Variants in ABCA12 observed in about 807,000 individuals in gnomAD.
ABCA12 encodes the protein glucosylceramide transporter ABCA12.
A neutral mutation model predicts 293.5 loss-of-function variants in ABCA12; 156 were observed. That is an observed-to-expected ratio of 0.53 (90% CI 0.47 to 0.61). The LOEUF (loss-of-function observed/expected upper bound fraction) is 0.61. ABCA12 is among the 20% of genes least tolerant of loss of function. The pLI, the probability that ABCA12 is intolerant of heterozygous loss-of-function variation, is 0.00. For missense variants in ABCA12, 2,797 were observed against 3,090.2 expected (o/e 0.91, Z 2.25); for synonymous variants, 1,063 against 1,108.0 (o/e 0.96, Z 0.81).
In ABCA12 at chr2:215,019,443, A is replaced by G; in HGVS notation, c.1550T>C (p.Leu517Pro). Residue 517 changes from leucine (L) to proline (P), a missense_variant, in exon 13 of 53, where the codon CTA becomes CCA. Transcript: ENST00000272895. ...SKINLNMDQF[L>P]EQALQMNYLE... Reference sequence around the variant, plus strand: ...GTAATTCATTTGCAGTGCCTGTTCTAGAAACCTGGAACAAAACAGAAAAGA... The same window carrying G: ...GTAATTCATTTGCAGTGCCTGTTCTGGAAACCTGGAACAAAACAGAAAAGA... The G allele has an allele frequency of 6.2e-7, 1 of 1,613,960 alleles. No individual in the cohort carries two copies.
intron 15 of ABCA12, chr2:215,012,951 C>T (rs558251982): frequency 4.6e-5 from 7 of 152,208 alleles, no homozygotes; most frequent in African/African-American, 1.2e-4. Flanking sequence ...ATTTATCAGG[C>T]TAAGTCATTT....
intron 28 of ABCA12, among the ~76,000 whole-genome samples, 161 bp downstream of exon 28, chr2:214,986,381 T>C (rs1699786580): frequency 6.6e-6 from 1 of 152,224 alleles, no homozygotes; most frequent in Non-Finnish European, 1.5e-5. Context: ...TTACAACCTT[T>C]GATTTTGACT....
intron 36 of ABCA12, among the ~76,000 whole-genome samples, chr2:214,971,147 G>A (rs1275000597): frequency 1.3e-5 from 2 of 151,960 alleles, no homozygotes; most frequent in East Asian, 3.9e-4. Flanking sequence ...ATGCTTCATT[G>A]CAATGAAGTT....
At chr2:215,136,835 A>T (rs1284635350) in intron 1 of ABCA12, among the ~76,000 whole-genome samples, 1 of 152,118 alleles carries the variant, frequency 6.6e-6, no homozygotes, top group Non-Finnish European at 1.5e-5. Context: ...TGTCACGTCT[A>T]ACTCATCATG....
chr2:214,956,307 T>G (rs1698946468), intron 42 of ABCA12, among the ~76,000 whole-genome samples: 1 of 152,112 alleles, frequency 6.6e-6, no homozygotes, highest in African/African-American at 2.4e-5. Flanking sequence ...TTCATAATGC[T>G]ACATATACTC....
At chr2:214,998,915 G>C (rs551042756) in intron 22 of ABCA12, among the ~76,000 whole-genome samples, 1 of 152,212 alleles carries the variant, frequency 6.6e-6, no homozygotes, top group Non-Finnish European at 1.5e-5. Context: ...CTTTCACTTG[G>C]AGAAAGGTCC....
chr2:215,121,283 A>G (rs1169706348), intron 1 of ABCA12, among the ~76,000 whole-genome samples: 1 of 152,214 alleles, frequency 6.6e-6, no homozygotes, highest in Non-Finnish European at 1.5e-5. Context: ...CTTTGATTTG[A>G]ATACTATACT....
intron 1 of ABCA12, among the ~76,000 whole-genome samples, chr2:215,133,062 G>T (rs1013178171): frequency 6.7e-6 from 1 of 148,484 alleles, no homozygotes; most frequent in Non-Finnish European, 1.5e-5. Flanking sequence ...CATCTTTTCC[G>T]TTACAGGGCT....
chr2:214,987,414 A>G (rs568451541), intron 27 of ABCA12, among the ~76,000 whole-genome samples: 2 of 152,240 alleles, frequency 1.3e-5, no homozygotes, highest in African/African-American at 4.8e-5. Flanking sequence ...CCACAAAGGG[A>G]TCTGCAATCT....
At chr2:214,990,515 G>A (rs956342700) in intron 24 of ABCA12, among the ~76,000 whole-genome samples, 187 bp downstream of exon 24, 1 of 152,114 alleles carries the variant, frequency 6.6e-6, no homozygotes, top group Non-Finnish European at 1.5e-5. Context: ...GGTTTTGTAA[G>A]CTCTTCATTG....
At chr2:215,046,882 C>G (rs926859892) in intron 6 of ABCA12, among the ~76,000 whole-genome samples, 4 of 152,020 alleles carry the variant, frequency 2.6e-5, no homozygotes, top group African/African-American at 9.7e-5. Flanking sequence ...CCATGGAATA[C>G]TATGCAGTCA....
chr2:215,019,726 C>T lies in ABCA12; in HGVS notation c.1358G>A (p.Cys453Tyr). 1.9e-6 allele frequency: 3 copies of T among 1,614,116 alleles called. No homozygotes were observed. Among genetic ancestry groups the T allele is most frequent in the Non-Finnish European group, 2.5e-6 (3 of 1,180,006 alleles). ...CCCAAAGCTCATATCAGAGAGCTGG[C>T]ATGACTTCTCTATCAAACTGAAAGT... ...SETFSLIEKS[C>Y]QLSDMSFGSL... The change falls in exon 12 of 53, where the codon TGC (cysteine) becomes TAC (tyrosine). Residue 453 changes from cysteine to tyrosine, a missense_variant. Physicochemically the swap from Cys to Tyr is radical, Grantham distance 194. Coordinates refer to ENST00000272895, the MANE Select transcript of ABCA12 (RefSeq NM_173076.3).
rs529137121 is a variant in ABCA12, at chr2:214,980,119, G to A, written c.4740+364C>T. Among the ~76,000 whole-genome samples, 108 of 152,274 alleles carry A rather than the reference G, an allele frequency of 7.1e-4. 1 individual carries two copies. In the South Asian group the frequency reaches 0.019, roughly 27 times the overall value. On this transcript the variant is annotated intron_variant, in intron 31 of 52. Coordinates refer to ENST00000272895, the MANE Select transcript of ABCA12 (RefSeq NM_173076.3). ...GGCTTTCTAGGTTGAAATGTTAGGA[G>A]AACTAAAAGGCTGATTCTCCATCAG...
intron 1 of ABCA12, among the ~76,000 whole-genome samples, chr2:215,128,153 T>G (rs1702967882): frequency 6.6e-6 from 1 of 152,236 alleles, no homozygotes; most frequent in Admixed American, 6.5e-5. Flanking sequence ...GTAGGGTTTC[T>G]GCTGAGAAAT....
chr2:215,054,683 G>T lies in ABCA12; in HGVS notation c.318-19C>A, dbSNP rs1313257238. On this transcript the variant is annotated intron_variant, in intron 3 of 52. Transcript: ENST00000272895. ...AATCTCACTAGAGAAGAAAAAGCAA[G>T]AACTCTGTAACTTCTCCCACATTAA... The T allele has an allele frequency of 3.8e-6, 6 of 1,582,498 alleles. No individual in the cohort carries two copies. Among genetic ancestry groups the T allele is most frequent in the Non-Finnish European group, 5.2e-6 (6 of 1,152,078 alleles).
At chr2:214,949,547 A>G (rs1698689119) in intron 45 of ABCA12, among the ~76,000 whole-genome samples, 1 of 152,154 alleles carries the variant, frequency 6.6e-6, no homozygotes, top group Non-Finnish European at 1.5e-5. Context: ...CACTGAATAA[A>G]CTATCGCGGC....
At chr2:215,058,252 G>A (rs538429125) in intron 3 of ABCA12, among the ~76,000 whole-genome samples, 18 of 152,110 alleles carry the variant, frequency 1.2e-4, no homozygotes, top group South Asian at 1.0e-3. Flanking sequence ...ACAACTGTGC[G>A]TGGAGTGTCA....
chr2:215,129,003 T>C (rs1035529893), intron 1 of ABCA12, among the ~76,000 whole-genome samples: 1 of 152,226 alleles, frequency 6.6e-6, no homozygotes, highest in African/African-American at 2.4e-5. Flanking sequence ...CTTGATGTAG[T>C]ACTCTCCCCC....
At position 214,987,791 on chromosome 2, in the gene ABCA12, T is replaced by C. The variant is rs766259300; in HGVS notation, c.3832A>G (p.Thr1278Ala). 3.2e-5 allele frequency: 52 copies of C among 1,613,304 alleles called. No homozygotes were observed. Among genetic ancestry groups the C allele is most frequent in the Non-Finnish European group, 4.3e-5 (51 of 1,179,728 alleles). The stretch of plus-strand genomic sequence containing the variant: ...TACCAGGGAGCTGCCATACCGTATG[T>C]CCCTGGAATAAAAATATATCAGGAA... The part of the protein sequence containing the change: ...AWYVRNVFPG[T>A]YGMAAPWYFP... The change falls in exon 27 of 53, where the codon ACA (threonine) becomes GCA (alanine). Residue 1278 changes from threonine (T) to alanine (A), a missense_variant and splice_region_variant. Physicochemically the swap from Thr to Ala is moderately conservative, Grantham distance 58 (BLOSUM62 0). Around this residue, in one of 3 missense-constraint regions of ABCA12, gnomAD observed 2,130 missense variants for 2,427.0 expected, o/e 0.88. Transcript: ENST00000272895.
Sources: allele counts gnomAD v4.1 joint callset (sites outside exome capture counted in the v4.1 genomes callset), GRCh38; gene constraint gnomAD v4.1.1; regional missense constraint gnomAD v4.1.1; transcripts MANE v1.5; gene names NCBI Gene and HGNC (gene_info 2026-07-23, HGNC 2026-07-21).